Variants in COG3 observed in about 807,000 individuals in gnomAD.
COG3 encodes component of oligomeric golgi complex 3, also known as conserved oligomeric Golgi complex subunit 3.
In COG3, 32 loss-of-function variants were observed where a neutral mutation model predicts 114.1. The observed-to-expected ratio is 0.28, with a 90% confidence interval of 0.21 to 0.38. The LOEUF is 0.38. Among genes scored for constraint, COG3 ranks in the 10% least tolerant of loss-of-function variants. The pLI is 1.00. For synonymous variants in COG3, 352 were observed against 365.7 expected (o/e 0.96, Z 0.43); for missense variants, 813 against 973.2 (o/e 0.84, Z 2.19).
intron 19 of COG3, among the ~76,000 whole-genome samples, chr13:45,520,777 A>G (rs1434656167): frequency 6.6e-6 from 1 of 152,222 alleles, no homozygotes; most frequent in African/African-American, 2.4e-5. Flanking sequence ...GATTTTTTAA[A>G]AAAGGTTTGA....
intron 7 of COG3, 116 bp downstream of exon 7, chr13:45,483,471 T>C (rs1886381396): frequency 1.5e-6 from 1 of 662,300 alleles, no homozygotes; most frequent in Non-Finnish European, 2.4e-6. Context: ...TTTTAACCTT[T>C]TGTTAAGAAT....
intron 13 of COG3, 50 bp downstream of exon 13, chr13:45,496,362 T>C: frequency 7.7e-7 from 1 of 1,301,390 alleles, no homozygotes; most frequent in Non-Finnish European, 9.9e-7. Context: ...AGCTTTTAGA[T>C]GTTTTATTTA....
At chr13:45,477,418 A>G (rs1885940473) in intron 2 of COG3, among the ~76,000 whole-genome samples, 1 of 152,206 alleles carries the variant, frequency 6.6e-6, no homozygotes, top group African/African-American at 2.4e-5. Flanking sequence ...AAATGTATTC[A>G]TTTTAAGTGT....
chr13:45,490,791 A>G (rs1886971300), intron 8 of COG3, 124 bp from the exon 9 acceptor site: 1 of 472,868 alleles, frequency 2.1e-6, no homozygotes, highest in Admixed American at 4.2e-5. Context: ...AGTGATTTTT[A>G]TGATTTTTAA....
chr13:45,525,465 A>G (rs1242301201), intron 20 of COG3, among the ~76,000 whole-genome samples: 1 of 152,094 alleles, frequency 6.6e-6, no homozygotes, highest in Non-Finnish European at 1.5e-5. Flanking sequence ...CATTTTGTCC[A>G]AGTTATCCTC....
At chr13:45,465,595 G>A (rs1885089626) in intron 1 of COG3, 1 of 190,260 alleles carries the variant, frequency 5.3e-6, no homozygotes, top group Non-Finnish European at 1.1e-5. Context: ...TCAACCCGAG[G>A]TGCTGTGCTG....
intron 2 of COG3, among the ~76,000 whole-genome samples, chr13:45,478,354 T>C (rs532841745): frequency 3.1e-3 from 475 of 151,988 alleles, no homozygotes; most frequent in African/African-American, 0.011. Flanking sequence ...TTATTTTTTG[T>C]ATTTTTAGTA....
rs745482654 is a variant in COG3, at chr13:45,483,329, A to T, written c.817A>T (p.Thr273Ser). The T allele has an allele frequency of 7.5e-6, 12 of 1,594,478 alleles. No individual in the cohort carries two copies. The highest frequency in any genetic ancestry group is 1.7e-5 in the Admixed American group (1 of 57,240). Residue 273 changes from threonine (T) to serine (S), a missense_variant, in exon 7 of 23, where the codon ACC (threonine) becomes TCC (serine). Physicochemically the swap from Thr to Ser is moderately conservative, Grantham distance 58. This residue lies in a region of COG3 where 424 missense variants were observed against 430.6 expected (regional missense o/e 0.98). Coordinates refer to ENST00000349995, the MANE Select transcript of COG3 (RefSeq NM_031431.4). ...MKTYTVNTLQ[T>S]LTSQLLKRDP... ...GACATATACTGTGAACACACTACAG[A>T]CCCTCACAAGTCAGTTACTGAAAAG...
At chr13:45,494,536 GT>G (rs1163990706) in intron 12 of COG3, among the ~76,000 whole-genome samples, 10 of 151,840 alleles carry the variant, frequency 6.6e-5, no homozygotes, top group African/African-American at 2.4e-4. Flanking sequence ...TTTTGTTTTG[GT>G]TTTTGAGTTG....
intron 14 of COG3, 23 bp from the exon 15 acceptor site, chr13:45,509,669 C>G (rs895775315): frequency 6.2e-7 from 1 of 1,610,716 alleles, no homozygotes; most frequent in African/African-American, 1.3e-5. Context: ...TGAAATGTGT[C>G]TTCTTTTCCA....
At chr13:45,480,084 G>A in intron 3 of COG3, 41 bp from the exon 4 acceptor site, 1 of 1,522,842 alleles carries the variant, frequency 6.6e-7, no homozygotes, top group Non-Finnish European at 8.9e-7. Flanking sequence ...CTTATTGGGG[G>A]AAAAGATTAT....
intron 20 of COG3, among the ~76,000 whole-genome samples, chr13:45,528,465 A>G (rs1998787): frequency 0.83 from 126,237 of 152,172 alleles, 52,522 homozygotes; most frequent in Admixed American, 0.88. Flanking sequence ...CTGCTTTACT[A>G]CAACCCTCCT....
rs183118173 is a variant in COG3 at position 45,483,298 on chromosome 13, C to A, written c.786C>A (p.Leu262=). 1 of 1,593,408 alleles carries A rather than the reference C, an allele frequency of 6.3e-7. No individual in the cohort carries two copies. The highest frequency in any genetic ancestry group is 1.1e-5 in the South Asian group (1 of 90,532). Residue 262 remains leucine (L), a synonymous_variant, in exon 7 of 23, where the codon CTC becomes CTA. Transcript: ENST00000349995. Reference sequence around the variant, plus strand: ...AGTGTCTTTCTAAAGCTTTGCACCTCATGAAGACATATACTGTGAACACAC... The same window carrying A: ...AGTGTCTTTCTAAAGCTTTGCACCTAATGAAGACATATACTGTGAACACAC... ...FKQCLSKALH[L]MKTYTVNTLQ...
Position 45,516,244 on chromosome 13 carries a change from G to C in COG3, c.1911G>C (p.Leu637=), listed in dbSNP as rs1393227705. The stretch of plus-strand genomic sequence containing the variant: ...AATTCACCATTAAGGAAATTTCCCT[G>C]GACCTCAAGAAAACTAGAGGTACTT... ...HTEFTIKEIS[L]DLKKTRDAAF... is the part of the protein sequence containing the mutation. The change falls in exon 17 of 23, where the codon CTG becomes CTC. Residue 637 remains leucine, a synonymous_variant. Coordinates refer to ENST00000349995, the MANE Select transcript of COG3 (RefSeq NM_031431.4). 3.1e-6 allele frequency: 5 copies of C among 1,588,180 alleles called. No homozygotes were observed. The highest frequency in any genetic ancestry group is 4.3e-6 in the Non-Finnish European group (5 of 1,163,542).
chr13:45,478,380 C>T (rs796620111), intron 2 of COG3, among the ~76,000 whole-genome samples: 6 of 151,846 alleles, frequency 4.0e-5, no homozygotes, highest in African/African-American at 1.2e-4. Flanking sequence ...GGGGTTTCAC[C>T]GTGTTAGCCA....
chr13:45,508,441 CAT>C (rs1870487632), intron 14 of COG3, among the ~76,000 whole-genome samples: 1 of 141,548 alleles, frequency 7.1e-6, no homozygotes, highest in Admixed American at 7.1e-5. Context: ...CATATATATA[CAT>C]ATATGTGTAT....
intron 13 of COG3, among the ~76,000 whole-genome samples, chr13:45,496,599 A>C (rs563739795): frequency 1.3e-5 from 2 of 152,286 alleles, no homozygotes; most frequent in African/African-American, 4.8e-5. Context: ...GTTTGCTATA[A>C]AAATTAAAGG....
intron 8 of COG3, among the ~76,000 whole-genome samples, chr13:45,489,900 T>A (rs559486751): frequency 1.5e-4 from 23 of 151,896 alleles, no homozygotes; most frequent in Non-Finnish European, 2.9e-4. Context: ...AAAAATACAG[T>A]GTCATTGATT....
In COG3 at chr13:45,535,951, G is replaced by A. The variant is rs1593764424; in HGVS notation, c.*1220G>A. ...GTCAGGGGTTCTGGAATGGGACCAG[G>A]GGACCTTTTGGTGCAGTGGGTGCCT... On this transcript the variant is annotated 3_prime_UTR_variant, in exon 23 of 23. Transcript: ENST00000349995. The A allele has an allele frequency of 4.5e-6, 4 of 891,314 alleles. No homozygotes were observed. The highest frequency in any genetic ancestry group is 5.4e-6 in the Non-Finnish European group (4 of 742,238). The allele number at this position is 891,314 out of a possible 1,614,324, so 55.2% of individuals were successfully genotyped here. A position where few individuals can be genotyped will look rare whatever the true frequency, so the allele number is the denominator to read the frequency against.
Sources: allele counts gnomAD v4.1 joint callset (sites outside exome capture counted in the v4.1 genomes callset), GRCh38; gene constraint gnomAD v4.1.1; regional missense constraint gnomAD v4.1.1; transcripts MANE v1.5; gene names NCBI Gene and HGNC (gene_info 2026-07-23, HGNC 2026-07-21).